The following WWC1 variants were observed in gnomAD, a reference collection of about 807,000 sequenced individuals.
WWC1 encodes the protein WW and C2 domain containing 1.
A neutral mutation model predicts 138.4 loss-of-function variants in WWC1; 55 were observed. The observed-to-expected ratio is 0.40, with a 90% confidence interval of 0.32 to 0.50. The LOEUF (loss-of-function observed/expected upper bound fraction) is 0.50. Among genes scored for constraint, WWC1 ranks in the 20% least tolerant of loss-of-function variants. The probability of loss-of-function intolerance (pLI) is 0.72; values close to 1 mark genes in which losing one functional copy is unlikely to be tolerated. For missense variants in WWC1, 1,226 were observed against 1,420.4 expected, an observed-to-expected ratio of 0.86 and a Z score of 2.20; for synonymous variants, 524 against 564.9, an observed-to-expected ratio of 0.93 and a Z score of 1.03.
intron 5 of WWC1, among the ~76,000 whole-genome samples, chr5:168,403,287 T>A (rs889066951): frequency 1.3e-5 from 2 of 151,842 alleles, no homozygotes; most frequent in African/African-American, 2.4e-5. Context: ...TTAGTAGAGA[T>A]GGGGTTTCAC....
intron 4 of WWC1, among the ~76,000 whole-genome samples, chr5:168,398,897 G>C (rs1159198273): frequency 6.6e-6 from 1 of 152,218 alleles, no homozygotes; most frequent in Non-Finnish European, 1.5e-5. Context: ...GGAACTGTGT[G>C]TCTAGGTTTA....
chr5:168,364,626 A>C (rs1025564072), intron 1 of WWC1, among the ~76,000 whole-genome samples: 1 of 152,162 alleles, frequency 6.6e-6, no homozygotes, highest in African/African-American at 2.4e-5. Context: ...TGCCATACTC[A>C]CTTGATAAAT....
At chr5:168,344,423 G>A (rs895078939) in intron 1 of WWC1, among the ~76,000 whole-genome samples, 6 of 152,130 alleles carry the variant, frequency 3.9e-5, no homozygotes, top group East Asian at 1.9e-4. Flanking sequence ...TTTCAGGCTC[G>A]GTTTTCTCAT....
intron 1 of WWC1, among the ~76,000 whole-genome samples, chr5:168,370,318 C>A (rs1776656597): frequency 6.6e-6 from 1 of 152,132 alleles, no homozygotes; most frequent in African/African-American, 2.4e-5. Context: ...AGGTGATGAT[C>A]CATATGCAGC....
rs1281722702 is a variant in WWC1 at position 168,399,488 on chromosome 5, G to C, written c.511G>C (p.Val171Leu). 1 of 1,614,130 alleles carries C rather than the reference G, an allele frequency of 6.2e-7. No homozygotes were observed. The highest frequency in any genetic ancestry group is 8.5e-7 in the Non-Finnish European group (1 of 1,180,028). The change falls in exon 5 of 23, where the codon GTC (valine) becomes CTC (leucine). Residue 171 changes from valine to leucine, a missense_variant and splice_region_variant. Val to Leu is a conservative substitution (Grantham distance 32). Transcript: ENST00000265293. ...KAEIATAKSR[V>L]NKLKREMVHL... ...CTGTGTGTGGTCTGCTGCCCTCCAG[G>C]TCAACAAGCTGAAGAGAGAGATGGT...
chr5:168,312,178 T>C (rs1771159439), intron 1 of WWC1, among the ~76,000 whole-genome samples: 1 of 151,812 alleles, frequency 6.6e-6, no homozygotes, highest in African/African-American at 2.4e-5. Flanking sequence ...GATTGCACCA[T>C]TACACTCTAG....
At chr5:168,369,386 T>TGG (rs1776563131) in intron 1 of WWC1, among the ~76,000 whole-genome samples, 1 of 152,062 alleles carries the variant, frequency 6.6e-6, no homozygotes, top group African/African-American at 2.4e-5. Context: ...CTTATTTGTT[T>TGG]TGTTGTTGTT....
chr5:168,294,120 A>AT (rs1376303995), intron 1 of WWC1, among the ~76,000 whole-genome samples: 1 of 152,148 alleles, frequency 6.6e-6, no homozygotes, highest in African/African-American at 2.4e-5. Flanking sequence ...ACTGATAATC[A>AT]TGCATCTGGG....
chr5:168,374,628 G>A (rs1777034130), intron 2 of WWC1, among the ~76,000 whole-genome samples: 1 of 152,184 alleles, frequency 6.6e-6, no homozygotes, highest in South Asian at 2.1e-4. Context: ...CTGCCCCAGA[G>A]GCCTAGCTCT....
chr5:168,330,761 C>T (rs1362753218), intron 1 of WWC1, among the ~76,000 whole-genome samples: 1 of 152,080 alleles, frequency 6.6e-6, no homozygotes, highest in African/African-American at 2.4e-5. Context: ...AGGCAGCAGT[C>T]GGGTTTGGGG....
chr5:168,315,071 G>A (rs1771460724), intron 1 of WWC1, among the ~76,000 whole-genome samples: 1 of 152,146 alleles, frequency 6.6e-6, no homozygotes, highest in African/African-American at 2.4e-5. Flanking sequence ...TGGCATGTAT[G>A]TCTGTGTAAC....
intron 1 of WWC1, among the ~76,000 whole-genome samples, chr5:168,366,878 G>C (rs540124392): frequency 7.3e-6 from 1 of 136,936 alleles, no homozygotes; most frequent in East Asian, 2.2e-4. Context: ...GCTCACTGCA[G>C]CCTCCGCCTC....
intron 15 of WWC1, among the ~76,000 whole-genome samples, chr5:168,438,468 TC>T (rs988455079): frequency 1.5e-4 from 23 of 152,296 alleles, no homozygotes; most frequent in African/African-American, 5.5e-4. Flanking sequence ...ATTATAAGTT[TC>T]CTGAGGCCTC....
At chr5:168,338,323 CTAAA>C (rs1773681095) in intron 1 of WWC1, among the ~76,000 whole-genome samples, 1 of 148,312 alleles carries the variant, frequency 6.7e-6, no homozygotes, top group Non-Finnish European at 1.5e-5. Flanking sequence ...AAAAAAAAAA[CTAAA>C]TAAATAAATA....
intron 2 of WWC1, among the ~76,000 whole-genome samples, chr5:168,372,053 T>TTGTGTGTG (rs10595228): frequency 0.034 from 4,808 of 141,280 alleles, 188 homozygotes; most frequent in African/African-American, 0.094. Flanking sequence ...AAGAGTGTGT[T>TTGTGTGTG]TGTGTGTGTG....
chr5:168,304,175 G>A (rs1335623966), intron 1 of WWC1, among the ~76,000 whole-genome samples: 1 of 152,122 alleles, frequency 6.6e-6, no homozygotes, highest in Admixed American at 6.5e-5. Flanking sequence ...TAATATATTT[G>A]ATAACTTTCT....
In WWC1 at chr5:168,458,239, T is replaced by C. The variant is rs141897877; in HGVS notation, c.2824-2411T>C. On this transcript the variant is annotated intron_variant, in intron 19 of 22. Coordinates refer to ENST00000265293, the MANE Select transcript of WWC1 (RefSeq NM_015238.3). ...GGTGAGTTGTGTGAACCCCATTTTA[T>C]AGACACAGAAGCTAAGACTCAAAAA... 4.0e-3 allele frequency among the ~76,000 whole-genome samples: 608 copies of C among 152,310 alleles called. 6 individuals carry two copies. The highest frequency in any genetic ancestry group is 0.017 in the Middle Eastern group (5 of 294).
intron 20 of WWC1, among the ~76,000 whole-genome samples, chr5:168,461,251 A>C (rs1344016275): frequency 6.6e-6 from 1 of 151,188 alleles, no homozygotes; most frequent in Non-Finnish European, 1.5e-5. Flanking sequence ...AGAATCGCTT[A>C]AACGCAGGAG....
At chr5:168,395,082 A>T (rs1017836500) in intron 3 of WWC1, among the ~76,000 whole-genome samples, 2 of 152,214 alleles carry the variant, frequency 1.3e-5, no homozygotes, top group African/African-American at 4.8e-5. Flanking sequence ...ATTTCTGGGC[A>T]TGCCCAAGGA....
Sources: gnomAD v4.1 joint callset for allele counts (sites outside exome capture counted in the v4.1 genomes callset) on GRCh38, gnomAD v4.1.1 for gene constraint, MANE v1.5 for transcripts, NCBI Gene and HGNC (gene_info 2026-07-23, HGNC 2026-07-21) for gene names.